The following GALNT16 variants were observed in gnomAD, a reference collection of about 807,000 sequenced individuals.
GALNT16 encodes UDP-GalNAc:polypeptide N-acetylgalactosaminyltransferase-like protein 1.
Under a neutral mutation model 76.1 loss-of-function variants are expected in GALNT16, and 40 were observed. The observed-to-expected ratio is 0.53, with a 90% CI of 0.41 to 0.68. The LOEUF (loss-of-function observed/expected upper bound fraction) is 0.68. Ranked by LOEUF, GALNT16 falls within the 30% of genes least tolerant of loss-of-function variation. The pLI is 0.00. For missense variants in GALNT16, 621 were observed against 731.9 expected, an observed-to-expected ratio of 0.85 and a Z score of 1.75; for synonymous variants, 276 against 285.2, an observed-to-expected ratio of 0.97 and a Z score of 0.32.
At chr14:69,281,889 C>A (rs1345355315) in intron 1 of GALNT16, among the ~76,000 whole-genome samples, 1 of 152,162 alleles carries the variant, frequency 6.6e-6, no homozygotes, top group Non-Finnish European at 1.5e-5. Context: ...TGTCTAAACC[C>A]CAAGTAACCA....
chr14:69,335,361 C>A (rs781579208), intron 9 of GALNT16, among the ~76,000 whole-genome samples: 16 of 152,280 alleles, frequency 1.1e-4, no homozygotes, highest in Admixed American at 7.2e-4. Context: ...GGTGCAGTGA[C>A]CCCTCCATTC....
chr14:69,324,068 G>A (rs1244169205), intron 2 of GALNT16, among the ~76,000 whole-genome samples: 2 of 152,074 alleles, frequency 1.3e-5, no homozygotes, highest in Admixed American at 6.5e-5. Flanking sequence ...TGGGGAGGGA[G>A]GAAGTGACGG....
chr14:69,356,322 T>C (rs1203727025), downstream of GALNT16: 1 of 152,078 alleles, frequency 6.6e-6, no homozygotes, highest in East Asian at 1.9e-4. Flanking sequence ...GTACTAGGGG[T>C]GCGGACTCTT....
At chr14:69,260,003 G>T (rs915922755), upstream of GALNT16, 3 of 339,664 alleles carry the variant, frequency 8.8e-6, no homozygotes, top group East Asian at 6.5e-5. Context: ...TGGCCTGGTG[G>T]GTCAGCCGGC....
intron 1 of GALNT16, among the ~76,000 whole-genome samples, chr14:69,266,672 C>T (rs1292993229): frequency 1.3e-5 from 2 of 152,168 alleles, no homozygotes; most frequent in African/African-American, 4.8e-5. Flanking sequence ...TTTCTCTCCA[C>T]ACTCCCCGTT....
chr14:69,307,439 G>A (rs1044378362), intron 1 of GALNT16, among the ~76,000 whole-genome samples: 7 of 152,170 alleles, frequency 4.6e-5, no homozygotes, highest in African/African-American at 7.2e-5. Flanking sequence ...AGTGGATATT[G>A]TTCCGGCTCA....
At chr14:69,299,096 T>C (rs1187557207) in intron 1 of GALNT16, among the ~76,000 whole-genome samples, 1 of 152,214 alleles carries the variant, frequency 6.6e-6, no homozygotes, top group Non-Finnish European at 1.5e-5. Context: ...TGTCCATATC[T>C]AGGGCCCGAT....
intron 1 of GALNT16, among the ~76,000 whole-genome samples, chr14:69,314,198 A>G (rs1196540577): frequency 6.6e-6 from 1 of 152,284 alleles, no homozygotes; most frequent in East Asian, 1.9e-4. Context: ...GTTAATAACA[A>G]TTCGTTAGTT....
At chr14:69,359,506 G>A (rs546173823), downstream of GALNT16, among the ~76,000 whole-genome samples, 3 of 152,268 alleles carry the variant, frequency 2.0e-5, no homozygotes, top group South Asian at 6.2e-4. Context: ...GTGATGCTGA[G>A]GACTGACACA....
At chr14:69,309,577 G>T (rs1405372527) in intron 1 of GALNT16, among the ~76,000 whole-genome samples, 2 of 152,096 alleles carry the variant, frequency 1.3e-5, no homozygotes, top group Admixed American at 1.3e-4. Flanking sequence ...CTCCCAAAGT[G>T]CTGGGATTAT....
At chr14:69,331,331 T>A (rs552686396) in intron 6 of GALNT16, 133 bp from the exon 7 acceptor site, 2 of 661,442 alleles carry the variant, frequency 3.0e-6, no homozygotes, top group South Asian at 3.5e-5. Flanking sequence ...GGTTGAGGGG[T>A]GGCCCTGGGC....
chr14:69,385,565 T>A, the GALNT16 span, among the ~76,000 whole-genome samples: 1 of 151,042 alleles, frequency 6.6e-6, no homozygotes, highest in African/African-American at 2.4e-5. Context: ...CCATTACTTT[T>A]CCCACTTAAA....
At chr14:69,325,837 C>G (rs1361703521) in intron 4 of GALNT16, 125 bp from the exon 5 acceptor site, 4 of 744,660 alleles carry the variant, frequency 5.4e-6, no homozygotes, top group Non-Finnish European at 9.6e-6. Flanking sequence ...ATGACCATAC[C>G]TCTTCCCAAT....
In GALNT16 at chr14:69,327,630, C is replaced by T. The variant is rs556705520; in HGVS notation, c.569-820C>T. Among the ~76,000 whole-genome samples, 3 of 152,286 alleles carry T rather than the reference C, an allele frequency of 2.0e-5. No individual in the cohort carries two copies. In the South Asian group the frequency reaches 6.2e-4, roughly 32 times the overall value. On this transcript the variant is annotated intron_variant, in intron 5 of 14. Coordinates refer to ENST00000448469, the MANE Select transcript of GALNT16 (RefSeq NM_001168368.2). ...GCTGGTAGGCAGCTAGAGGCAGAGT[C>T]TGGGGCAGAGGCATGGCTAGGGAAA... is the stretch of plus-strand genomic sequence containing the variant.
intron 1 of GALNT16, among the ~76,000 whole-genome samples, chr14:69,288,318 A>G (rs1000349472): frequency 1.3e-5 from 2 of 152,196 alleles, no homozygotes; most frequent in African/African-American, 2.4e-5. Flanking sequence ...GCGTCTTTAG[A>G]AAGCCACAGG....
At chr14:69,350,944 T>C (rs1173947843) in intron 14 of GALNT16, 1 of 152,354 alleles carries the variant, frequency 6.6e-6, no homozygotes, top group Non-Finnish European at 1.5e-5. Flanking sequence ...CAAGCAACAC[T>C]CCATCCTCCA....
intron 1 of GALNT16, among the ~76,000 whole-genome samples, chr14:69,269,879 G>A (rs550751323): frequency 3.9e-5 from 6 of 151,936 alleles, no homozygotes; most frequent in South Asian, 2.1e-4. Context: ...GGAGGGTGCC[G>A]GTGCCTGAAG....
intron 13 of GALNT16, 70 bp downstream of exon 13, chr14:69,347,251 T>C: frequency 2.9e-6 from 4 of 1,401,880 alleles, no homozygotes; most frequent in Middle Eastern, 2.5e-4. Flanking sequence ...GGTGAGGGAC[T>C]TCCCCCTACT....
At chr14:69,381,523 A>T in the GALNT16 span, among the ~76,000 whole-genome samples, 35 of 152,176 alleles carry the variant, frequency 2.3e-4, no homozygotes, top group Admixed American at 2.1e-3. Flanking sequence ...AACGAAAAGG[A>T]GTACACAGAC....
Sources: allele counts gnomAD v4.1 joint callset (sites outside exome capture counted in the v4.1 genomes callset), GRCh38; gene constraint gnomAD v4.1.1; transcripts MANE v1.5; gene names NCBI Gene and HGNC (gene_info 2026-07-23, HGNC 2026-07-21).